The following CLCN1 variants were observed in gnomAD, a reference collection of about 807,000 sequenced individuals.
The protein encoded by CLCN1 is chloride voltage-gated channel 1.
CLCN1 carries 100 observed loss-of-function variants against 114.5 expected under a neutral mutation model. The ratio of observed to expected loss-of-function variants is 0.87; its 90% CI spans 0.74 to 1.03. The LOEUF (loss-of-function observed/expected upper bound fraction) is 1.03, where lower values mean the gene tolerates loss of function less well. Ranked by LOEUF, CLCN1 falls within the 50% of genes least tolerant of loss-of-function variation. The probability of loss-of-function intolerance (pLI) is 0.00; values close to 1 mark genes in which losing one functional copy is unlikely to be tolerated. For synonymous variants in CLCN1, 485 were observed against 487.1 expected (o/e 1.00, Z 0.06); for missense variants, 1,188 against 1,250.0 (o/e 0.95, Z 0.75).
intron 2 of CLCN1, 95 bp from the exon 3 acceptor site, chr7:143,320,569 C>A: frequency 2.7e-5 from 21 of 774,736 alleles, no homozygotes; most frequent in Admixed American, 1.1e-4. Context: ...CTCTCTCTCT[C>A]TCTCTCTCTC....
chr7:143,316,491 GT>G, intron 1 of CLCN1, 99 bp downstream of exon 1: 1 of 1,132,596 alleles, frequency 8.8e-7, no homozygotes, highest in Non-Finnish European at 1.3e-6. Context: ...AGGGAGCAGT[GT>G]TACATTTTTT....
intron 18 of CLCN1, 127 bp downstream of exon 18, chr7:143,346,378 G>A (rs1803247497): frequency 2.7e-6 from 2 of 751,872 alleles, no homozygotes; most frequent in Admixed American, 2.0e-5. Context: ...GGGGATTGAG[G>A]GAGGACAGGG....
At chr7:143,331,353 G>C in intron 9 of CLCN1, 37 bp downstream of exon 9, 2 of 1,462,318 alleles carry the variant, frequency 1.4e-6, no homozygotes, top group Non-Finnish European at 1.9e-6. Context: ...TGGTGAGCAG[G>C]GTGTGGAGTG....
intron 12 of CLCN1, among the ~76,000 whole-genome samples, chr7:143,335,661 G>GTTTTTTTTTT (rs367713664): frequency 7.4e-6 from 1 of 135,290 alleles, no homozygotes. Context: ...CAGCTGTTTT[G>GTTTTTTTTTT]TTTTTTTTTT....
intron 12 of CLCN1, among the ~76,000 whole-genome samples, chr7:143,337,807 CTTTTTTTTTTTTTTTTTTTTT>C (rs869078445): frequency 1.3e-4 from 6 of 46,046 alleles, no homozygotes; most frequent in South Asian, 1.0e-3. Context: ...TTTCTCAATT[CTTTTTTTTTTTTTTTTTTTTT>C]TTTTTTTTTT....
At chr7:143,318,792 G>A (rs1802354263) in intron 1 of CLCN1, among the ~76,000 whole-genome samples, 1 of 152,240 alleles carries the variant, frequency 6.6e-6, no homozygotes, top group Non-Finnish European at 1.5e-5. Context: ...CCCACGCAGG[G>A]TTTGGAAGGA....
chr7:143,342,065 G>T lies in CLCN1; in HGVS notation c.1719G>T (p.Leu573=), dbSNP rs1046782742. Residue 573 remains leucine (L), a synonymous_variant, in exon 15 of 23, where the codon CTG becomes CTT. Transcript: ENST00000343257. Reference sequence around the variant, plus strand: ...TGGCCAACATGGTGGCCCAGAGCCTGCAGCCCTCTCTCTATGACAGCATCA... The same window carrying T: ...TGGCCAACATGGTGGCCCAGAGCCTTCAGCCCTCTCTCTATGACAGCATCA... ...VILANMVAQS[L]QPSLYDSIIQ... The T allele has an allele frequency of 6.2e-7, 1 of 1,614,048 alleles. No individual in the cohort carries two copies. The highest frequency in any genetic ancestry group is 1.3e-5 in the African/African-American group (1 of 74,924).
chr7:143,345,888 G>C, intron 17 of CLCN1, 126 bp downstream of exon 17: 13 of 1,368,058 alleles, frequency 9.5e-6, no homozygotes, highest in Non-Finnish European at 1.3e-5. Context: ...AAGAGGGAGG[G>C]GAGAGTCTGG....
chr7:143,342,999 G>A (rs1022703637), intron 16 of CLCN1, among the ~76,000 whole-genome samples: 2 of 152,062 alleles, frequency 1.3e-5, no homozygotes, highest in African/African-American at 2.4e-5. Context: ...GTTCAATTAA[G>A]TATGAAGTTC....
Position 143,321,477 on chromosome 7 carries a change from C to G in CLCN1, c.546C>G (p.Ile182Met), listed in dbSNP as rs980845093. 4 of 1,614,154 alleles carry G rather than the reference C, an allele frequency of 2.5e-6. No individual in the cohort carries two copies. Among genetic ancestry groups the G allele is most frequent in the Non-Finnish European group, 3.4e-6 (4 of 1,180,040 alleles). ...ILFSALFCHL[I>M]SPQAVGSGIP... ...TCAGCGCCCTCTTCTGCCACCTCAT[C>G]TCTCCCCAGGCTGTTGGTGAGAACT... The change falls in exon 4 of 23, where the codon ATC (isoleucine) becomes ATG (methionine). Residue 182 changes from isoleucine to methionine, a missense_variant. By Grantham distance (10) the Ile-to-Met change is conservative (BLOSUM62 1). Transcript: ENST00000343257. The surrounding 1 kb of genome is among the most constrained non-coding windows in gnomAD (Gnocchi z 4.2).
At chr7:143,317,593 T>C (rs890153424) in intron 1 of CLCN1, among the ~76,000 whole-genome samples, 2 of 150,864 alleles carry the variant, frequency 1.3e-5, no homozygotes, top group Non-Finnish European at 3.0e-5. Flanking sequence ...TTTTTTTTTT[T>C]AACAGGGAGC....
intron 16 of CLCN1, among the ~76,000 whole-genome samples, chr7:143,344,457 A>G (rs1204492589): frequency 6.6e-6 from 1 of 152,222 alleles, no homozygotes; most frequent in African/African-American, 2.4e-5. Flanking sequence ...ATTTCCAATA[A>G]TCAGAATATC....
intron 2 of CLCN1, among the ~76,000 whole-genome samples, chr7:143,320,263 C>T (rs567847961): frequency 6.6e-6 from 1 of 152,350 alleles, no homozygotes. Context: ...GCGTGAGCCA[C>T]CATGCTTGGC....
At chr7:143,319,345 A>G (rs1802367506) in intron 1 of CLCN1, among the ~76,000 whole-genome samples, 1 of 152,190 alleles carries the variant, frequency 6.6e-6, no homozygotes, top group African/African-American at 2.4e-5. Flanking sequence ...TGTTCATGTT[A>G]GGAGAAAAGT....
chr7:143,347,266 G>T (rs1803271985), intron 20 of CLCN1, among the ~76,000 whole-genome samples: 1 of 152,084 alleles, frequency 6.6e-6, no homozygotes, highest in South Asian at 2.1e-4. Flanking sequence ...AAGCTTTAAT[G>T]GAGGTAAAAT....
rs142862385 is a variant in CLCN1, at chr7:143,317,337, C to T, written c.180+945C>T. Reference sequence around the variant, plus strand: ...TATCTTGGCTCACTGCGACCTCCGCCTCCCGGGTTCAAGCAATTCTCTTTC... The same window carrying T: ...TATCTTGGCTCACTGCGACCTCCGCTTCCCGGGTTCAAGCAATTCTCTTTC... On this transcript the variant is annotated intron_variant, in intron 1 of 22. Coordinates refer to ENST00000343257, the MANE Select transcript of CLCN1 (RefSeq NM_000083.3). Among the ~76,000 whole-genome samples the T allele has an allele frequency of 1.2e-3, 187 of 151,356 alleles. 1 individual carries two copies. The highest frequency in any genetic ancestry group is 4.2e-3 in the African/African-American group (174 of 41,190).
chr7:143,350,858 A>C lies in CLCN1; in HGVS notation c.2595+204A>C, dbSNP rs1418678608. Among the ~76,000 whole-genome samples the C allele has an allele frequency of 1.3e-5, 2 of 151,136 alleles. No homozygotes were observed. Among genetic ancestry groups the C allele is most frequent in the Non-Finnish European group, 3.0e-5 (2 of 67,786 alleles). On this transcript the variant is annotated intron_variant, in intron 22 of 22. Transcript: ENST00000343257. The surrounding 1 kb of genome is among the most constrained non-coding windows in gnomAD (Gnocchi z 5.1). ...AGTGGCGTGATCTCAGCTCACTGCA[A>C]CCTCCGCCTCCCGGGTTCAAGTGAT...
intron 12 of CLCN1, among the ~76,000 whole-genome samples, chr7:143,336,686 A>AAGTCTTGG (rs1419931001): frequency 6.6e-5 from 10 of 151,700 alleles, no homozygotes; most frequent in Non-Finnish European, 1.0e-4. Context: ...AGAAAGAAGA[A>AAGTCTTGG]AGTCTTGGGA....
At chr7:143,329,862 CT>C (rs1428808723) in intron 7 of CLCN1, among the ~76,000 whole-genome samples, 2 of 152,110 alleles carry the variant, frequency 1.3e-5, no homozygotes, top group East Asian at 1.9e-4. Flanking sequence ...TCCACCCCCC[CT>C]TATTCTTAAT....
Sources: allele counts gnomAD v4.1 joint callset (sites outside exome capture counted in the v4.1 genomes callset), GRCh38; gene constraint gnomAD v4.1.1; non-coding constraint Gnocchi (gnomAD v3.1); transcripts MANE v1.5; gene names NCBI Gene and HGNC (gene_info 2026-07-23, HGNC 2026-07-21).